The following ADD2 variants were observed in gnomAD, a reference collection of about 807,000 sequenced individuals.
The protein encoded by ADD2 is beta-adducin.
In ADD2, 23 loss-of-function variants were observed where a neutral mutation model predicts 83.0. That is an observed-to-expected ratio of 0.28 (90% CI 0.20 to 0.39). ADD2 has a LOEUF of 0.39. Ranked by LOEUF, ADD2 falls within the 10% of genes least tolerant of loss-of-function variation. ADD2 has a pLI of 1.00. For synonymous variants in ADD2, 375 were observed against 375.4 expected (o/e 1.00, Z 0.01); for missense variants, 758 against 944.9 (o/e 0.80, Z 2.59).
intron 2 of ADD2, among the ~76,000 whole-genome samples, chr2:70,708,951 C>G (rs942971421): frequency 6.6e-6 from 1 of 152,334 alleles, no homozygotes; most frequent in East Asian, 1.9e-4. Context: ...AGGTCACTTT[C>G]CTTTTTCTGT....
At chr2:70,726,151 C>T (rs1672986618) in intron 1 of ADD2, among the ~76,000 whole-genome samples, 1 of 130,808 alleles carries the variant, frequency 7.6e-6, no homozygotes, top group African/African-American at 2.9e-5. Context: ...CCCGCCACGG[C>T]ACTCCAGCCT....
At chr2:70,692,195 C>T (rs551090316) in intron 7 of ADD2, among the ~76,000 whole-genome samples, 4 of 152,298 alleles carry the variant, frequency 2.6e-5, no homozygotes, top group Non-Finnish European at 5.9e-5. Context: ...GTGGGGGATG[C>T]GATGGAACAG....
rs1467154143 is a variant in ADD2, at chr2:70,658,858, C to T, written c.*4567G>A. On this transcript the variant is annotated 3_prime_UTR_variant, in exon 16 of 16. Coordinates refer to ENST00000264436, the MANE Select transcript of ADD2 (RefSeq NM_001617.4). ...CATAAAATTCACACAAAAGAAAAAACGTGTCAGCTGGCACAGTGGCTCATT... is the reference window on the plus strand; with the variant it reads ...CATAAAATTCACACAAAAGAAAAAATGTGTCAGCTGGCACAGTGGCTCATT... The T allele has an allele frequency of 6.6e-6, 1 of 152,070 alleles. No individual in the cohort carries two copies. The highest frequency in any genetic ancestry group is 2.4e-5 in the African/African-American group (1 of 41,402). 9.4% of individuals were successfully genotyped at this position (152,070 alleles called of 1,614,324 possible). A position where few individuals can be genotyped will look rare whatever the true frequency, so the allele number is the denominator to read the frequency against.
intron 2 of ADD2, among the ~76,000 whole-genome samples, chr2:70,712,406 T>C (rs1243034259): frequency 6.9e-5 from 10 of 145,398 alleles, no homozygotes; most frequent in African/African-American, 2.1e-4. Context: ...ATCACACCAC[T>C]GCACTCCAGC....
At chr2:70,693,783 T>C (rs1159836554) in intron 6 of ADD2, among the ~76,000 whole-genome samples, 2 of 152,144 alleles carry the variant, frequency 1.3e-5, no homozygotes, top group Non-Finnish European at 2.9e-5. Context: ...TCTCAGATGA[T>C]CTCTCTCTGA....
chr2:70,760,786 A>G (rs1258552162), intron 1 of ADD2: 1 of 152,108 alleles, frequency 6.6e-6, no homozygotes, highest in Non-Finnish European at 1.5e-5. Flanking sequence ...TATCTGTGTT[A>G]TGTTTTATAT....
intron 1 of ADD2, chr2:70,767,613 G>C (rs1675472999): frequency 2.4e-6 from 3 of 1,275,694 alleles, no homozygotes; most frequent in Non-Finnish European, 3.0e-6. Flanking sequence ...CCTGTCAGGC[G>C]TTACGCTCCG....
chr2:70,706,427 AT>A lies in ADD2; in HGVS notation c.-20del, dbSNP rs1671907473. ...CGCTCATTTTCCCGGTGGGTTTGCA[AT>A]TCGCTCCTGGAACTCTACAGAGAAG... On this transcript the variant is annotated 5_prime_UTR_variant, in exon 3 of 16. Coordinates refer to ENST00000264436, the MANE Select transcript of ADD2 (RefSeq NM_001617.4). This position sits in a 1 kb window ranked among gnomAD's most constrained non-coding sequence, Gnocchi z 5.0. 6.3e-7 allele frequency: 1 copy of A among 1,595,524 alleles called. No individual in the cohort carries two copies. The highest frequency in any genetic ancestry group is 8.5e-7 in the Non-Finnish European group (1 of 1,172,588).
At chr2:70,763,499 T>C (rs746281081) in intron 1 of ADD2, among the ~76,000 whole-genome samples, 1 of 151,974 alleles carries the variant, frequency 6.6e-6, no homozygotes, top group African/African-American at 2.4e-5. Flanking sequence ...AAATTTCTCA[T>C]GACCTCATGG....
At chr2:70,710,357 G>A (rs1672118018) in intron 2 of ADD2, among the ~76,000 whole-genome samples, 1 of 152,254 alleles carries the variant, frequency 6.6e-6, no homozygotes, top group Non-Finnish European at 1.5e-5. Context: ...ATCTGTGAAG[G>A]CTGTGAAGTA....
chr2:70,723,918 C>T (rs1371424639), intron 1 of ADD2, among the ~76,000 whole-genome samples: 7 of 152,194 alleles, frequency 4.6e-5, no homozygotes, highest in Non-Finnish European at 7.3e-5. Context: ...CAAGGGGAGA[C>T]CCCACCTCTC....
At chr2:70,698,204 T>C (rs1671405911) in intron 4 of ADD2, among the ~76,000 whole-genome samples, 1 of 149,276 alleles carries the variant, frequency 6.7e-6, no homozygotes, top group African/African-American at 2.6e-5. Context: ...TGAATACTTC[T>C]CCTACAAATA....
intron 6 of ADD2, among the ~76,000 whole-genome samples, chr2:70,693,415 G>A (rs979905626): frequency 1.3e-5 from 2 of 152,044 alleles, no homozygotes; most frequent in Admixed American, 1.3e-4. Flanking sequence ...TGAGACACCC[G>A]TGACATCCTG....
chr2:70,755,231 C>T (rs1425861103), intron 1 of ADD2, among the ~76,000 whole-genome samples: 1 of 152,216 alleles, frequency 6.6e-6, no homozygotes, highest in African/African-American at 2.4e-5. Flanking sequence ...TCTCAAATCT[C>T]CCTGACTCCC....
chr2:70,755,556 TAGA>T (rs1674728724), intron 1 of ADD2, among the ~76,000 whole-genome samples: 1 of 152,190 alleles, frequency 6.6e-6, no homozygotes, highest in Non-Finnish European at 1.5e-5. Context: ...TAACCACACA[TAGA>T]AGGTGTTCAG....
intron 1 of ADD2, among the ~76,000 whole-genome samples, chr2:70,748,950 T>A (rs1284729261): frequency 6.6e-6 from 1 of 152,208 alleles, no homozygotes; most frequent in Non-Finnish European, 1.5e-5. Flanking sequence ...TGTACTGAAC[T>A]AACTCAGTAC....
intron 2 of ADD2, among the ~76,000 whole-genome samples, chr2:70,711,627 T>G (rs568710021): frequency 6.6e-6 from 1 of 152,092 alleles, no homozygotes; most frequent in African/African-American, 2.4e-5. Flanking sequence ...AACTTCCTAG[T>G]TGGTGAACAC....
intron 1 of ADD2, among the ~76,000 whole-genome samples, chr2:70,743,518 TC>T (rs1480232060): frequency 1.3e-5 from 2 of 152,166 alleles, no homozygotes; most frequent in African/African-American, 4.8e-5. Flanking sequence ...AATATCTGCT[TC>T]AAAACACTTA....
At chr2:70,761,637 T>G (rs1399575333) in intron 1 of ADD2, among the ~76,000 whole-genome samples, 2 of 146,496 alleles carry the variant, frequency 1.4e-5, no homozygotes, top group Non-Finnish European at 3.0e-5. Flanking sequence ...TAAAGTATAC[T>G]AAATCTCTCA....
Sources: allele counts gnomAD v4.1 joint callset (sites outside exome capture counted in the v4.1 genomes callset), GRCh38; gene constraint gnomAD v4.1.1; non-coding constraint Gnocchi (gnomAD v3.1); transcripts MANE v1.5; gene names NCBI Gene and HGNC (gene_info 2026-07-23, HGNC 2026-07-21).